WNT5A: variants seen among roughly 807,000 people sequenced by gnomAD.
The protein encoded by WNT5A is Wnt family member 5A.
A neutral mutation model predicts 42.1 loss-of-function variants in WNT5A; 9 were observed. The ratio of observed to expected loss-of-function variants is 0.21; its 90% CI spans 0.13 to 0.37. The LOEUF is 0.37. Among genes scored for constraint, WNT5A ranks in the 10% least tolerant of loss-of-function variants. WNT5A has a pLI of 1.00. For missense variants in WNT5A, 426 were observed against 534.0 expected (o/e 0.80, Z 1.99); for synonymous variants, 210 against 210.0 (o/e 1.00, Z 0.00).
rs2051231563 is a variant in WNT5A, at chr3:55,470,562, T to C, written c.685-12A>G. 6.6e-7 allele frequency: 1 copy of C among 1,507,608 alleles called. No homozygotes were observed. The highest frequency in any genetic ancestry group is 2.0e-5 in the Admixed American group (1 of 49,778). The allele number at this position is 1,507,608 out of a possible 1,614,324, so 93.4% of individuals were successfully genotyped here. The stretch of plus-strand genomic sequence containing the variant: ...AGGTTGTACACCGTCTGCAGGGAAA[T>C]GGGGGCAATCAATACACACATTCAT... On this transcript the variant is annotated splice_polypyrimidine_tract_variant and intron_variant, in intron 4 of 4. Coordinates refer to ENST00000264634, the MANE Select transcript of WNT5A (RefSeq NM_003392.7).
chr3:55,481,243 G>T, intron 1 of WNT5A: 1 of 975,496 alleles, frequency 1.0e-6, no homozygotes, highest in Non-Finnish European at 1.2e-6. Context: ...CGCACCCCCT[G>T]GCCCCCCTCT....
chr3:55,492,332 G>A (rs1272815465), upstream of WNT5A, among the ~76,000 whole-genome samples: 2 of 152,014 alleles, frequency 1.3e-5, no homozygotes, highest in African/African-American at 4.8e-5. Context: ...CTTGCTGACT[G>A]AGTGACCCTG....
intron 3 of WNT5A, 84 bp downstream of exon 3, chr3:55,479,230 C>A: frequency 2.9e-6 from 4 of 1,385,830 alleles, no homozygotes; most frequent in Non-Finnish European, 3.8e-6. Flanking sequence ...TTCATGCTTT[C>A]TATCAAGCAT....
chr3:55,475,034 A>C (rs548208933), intron 3 of WNT5A, among the ~76,000 whole-genome samples: 42 of 152,118 alleles, frequency 2.8e-4, no homozygotes, highest in African/African-American at 9.9e-4. Context: ...GCCAAGCAAG[A>C]TCCCCCAAAA....
chr3:55,487,614 A>G (rs1306895482), upstream of WNT5A: 1 of 152,748 alleles, frequency 6.5e-6, no homozygotes, highest in Non-Finnish European at 1.5e-5. Context: ...GTCTGCTTCC[A>G]GACGCTGATC....
chr3:55,472,188 C>CA (rs979024883), intron 4 of WNT5A, among the ~76,000 whole-genome samples: 27 of 152,116 alleles, frequency 1.8e-4, no homozygotes, highest in Middle Eastern at 3.4e-3. Flanking sequence ...AAATTTACCC[C>CA]AAAAAAACTC....
At chr3:55,503,539 A>G in the WNT5A span, among the ~76,000 whole-genome samples, 1 of 152,232 alleles carries the variant, frequency 6.6e-6, no homozygotes, top group Non-Finnish European at 1.5e-5. Flanking sequence ...CAGGTTACAC[A>G]CAAGGGTGAA....
At chr3:55,484,104 GC>G (rs909418020) in intron 1 of WNT5A, among the ~76,000 whole-genome samples, 3 of 152,124 alleles carry the variant, frequency 2.0e-5, no homozygotes, top group Non-Finnish European at 2.9e-5. Context: ...GATGAGGGAC[GC>G]CAAATAGGCG....
At chr3:55,482,932 C>T (rs1432313117) in intron 1 of WNT5A, among the ~76,000 whole-genome samples, 2 of 152,216 alleles carry the variant, frequency 1.3e-5, no homozygotes, top group African/African-American at 4.8e-5. Context: ...CACTCACACG[C>T]GTGCATAGAC....
At chr3:55,486,396 G>A (rs1394765995) in intron 1 of WNT5A, among the ~76,000 whole-genome samples, 1 of 152,204 alleles carries the variant, frequency 6.6e-6, no homozygotes, top group African/African-American at 2.4e-5. Flanking sequence ...AAAGGCAAAG[G>A]GGCCTGAAGC....
At chr3:55,494,564 G>C (rs2051695172), upstream of WNT5A, among the ~76,000 whole-genome samples, 1 of 152,008 alleles carries the variant, frequency 6.6e-6, no homozygotes, top group Admixed American at 6.6e-5. Context: ...TTTTGATAGA[G>C]TCTCACTCTT....
chr3:55,496,168 C>T, the WNT5A span, among the ~76,000 whole-genome samples: 2 of 152,042 alleles, frequency 1.3e-5, no homozygotes, highest in African/African-American at 4.8e-5. Flanking sequence ...ATCTTTGCTG[C>T]TATAATCATC....
At position 55,466,239 on chromosome 3, in the gene WNT5A, G is replaced by T. The variant is rs565356090; in HGVS notation, c.*3853C>A. The T allele has an allele frequency of 6.6e-6, 1 of 152,170 alleles. No homozygotes were observed. The highest frequency in any genetic ancestry group is 2.4e-5 in the African/African-American group (1 of 41,526). 9.4% of individuals were successfully genotyped at this position (152,170 alleles called of 1,614,324 possible). A position where few individuals can be genotyped will look rare whatever the true frequency, so the allele number is the denominator to read the frequency against. ...AGTGACAATGTAGTATTTTAGACCT[G>T]TGCCTTCGTGCCTATTTGCATTAAA... is the stretch of plus-strand genomic sequence containing the variant. On this transcript the variant is annotated 3_prime_UTR_variant, in exon 5 of 5. Transcript: ENST00000264634.
Position 55,483,367 on chromosome 3 carries a change from GC to G in WNT5A, c.7-2450del, listed in dbSNP as rs2051507242. Among the ~76,000 whole-genome samples the G allele has an allele frequency of 6.6e-6, 1 of 152,008 alleles. No individual in the cohort carries two copies. The highest frequency in any genetic ancestry group is 1.5e-5 in the Non-Finnish European group (1 of 68,018). ...TCAATCCCAGTGCAACCGAGAAAAG[GC>G]CCCACAAGTTTGAGACACTCAAAGA... On this transcript the variant is annotated intron_variant, in intron 1 of 4. Coordinates refer to ENST00000264634, the MANE Select transcript of WNT5A (RefSeq NM_003392.7). The surrounding 1 kb of genome is among the most constrained non-coding windows in gnomAD (Gnocchi z 4.2).
intron 1 of WNT5A, chr3:55,481,373 G>A (rs2051458982): frequency 4.1e-6 from 4 of 985,604 alleles, no homozygotes; most frequent in Admixed American, 1.2e-4. Context: ...TTCCATGGGC[G>A]AGAGGAGCAC....
rs771295790 is a variant in WNT5A, at chr3:55,470,104, A to C, written c.1131T>G (p.Phe377Leu). Residue 377 changes from phenylalanine (F) to leucine (L), a missense_variant, in exon 5 of 5, where the codon TTT becomes TTG. Coordinates refer to ENST00000264634, the MANE Select transcript of WNT5A (RefSeq NM_003392.7). ...TGGGTGGCACCCACTACTTGCACAC[A>C]AACTGGTCCACGATCTCCGTGCACT... ...CKKCTEIVDQ[F>L]VCK The C allele has an allele frequency of 1.2e-6, 2 of 1,614,086 alleles. No individual in the cohort carries two copies. The highest frequency in any genetic ancestry group is 1.7e-6 in the Non-Finnish European group (2 of 1,179,930).
Position 55,475,634 on chromosome 3 carries a change from C to A in WNT5A, c.392-1005G>T, listed in dbSNP as rs138314228. Among the ~76,000 whole-genome samples, 413 of 152,316 alleles carry A rather than the reference C, an allele frequency of 2.7e-3. 1 individual carries two copies. The highest frequency in any genetic ancestry group is 9.7e-3 in the African/African-American group (402 of 41,548). ...CACTTCTGCAGACACCCCCTGCCCA[C>A]TCCCCCACTGCCTTTGCCACAAAGT... On this transcript the variant is annotated intron_variant, in intron 3 of 4. Coordinates refer to ENST00000264634, the MANE Select transcript of WNT5A (RefSeq NM_003392.7).
Position 55,470,245 on chromosome 3 carries a change from C to T in WNT5A, c.990G>A (p.Glu330=). 6.2e-7 allele frequency: 1 copy of T among 1,614,126 alleles called. No individual in the cohort carries two copies. Among genetic ancestry groups the T allele is most frequent in the Admixed American group, 1.7e-5 (1 of 60,034 alleles). The part of the protein sequence containing the change: ...TQGRLCNKTS[E]GMDGCELMCC... ...ACATGAGCTCGCAGCCATCCATGCCCTCCGACGTCTTGTTGCACAGGCGGC... is the reference window on the plus strand; with the variant it reads ...ACATGAGCTCGCAGCCATCCATGCCTTCCGACGTCTTGTTGCACAGGCGGC... Residue 330 remains glutamate, a synonymous_variant, in exon 5 of 5, where the codon GAG becomes GAA. Transcript: ENST00000264634.
the WNT5A span, among the ~76,000 whole-genome samples, chr3:55,503,782 C>T: frequency 1.3e-5 from 2 of 152,096 alleles, no homozygotes; most frequent in Non-Finnish European, 2.9e-5. Flanking sequence ...GAGACCTCAA[C>T]TCCATAAAAT....
Sources: gnomAD v4.1 joint callset for allele counts (sites outside exome capture counted in the v4.1 genomes callset) on GRCh38, gnomAD v4.1.1 for gene constraint, Gnocchi (gnomAD v3.1) non-coding constraint, MANE v1.5 for transcripts, NCBI Gene and HGNC (gene_info 2026-07-23, HGNC 2026-07-21) for gene names.